MYCBPAP: variants seen among roughly 807,000 people sequenced by gnomAD.
MYCBPAP encodes the protein MYCBP-associated protein.
A neutral mutation model predicts 106.1 loss-of-function variants in MYCBPAP; 60 were observed. The ratio of observed to expected loss-of-function variants is 0.57; its 90% CI spans 0.46 to 0.70. The LOEUF is 0.70. MYCBPAP is among the 30% of genes least tolerant of loss of function. MYCBPAP has a pLI of 0.00. For synonymous variants in MYCBPAP, 407 were observed against 440.6 expected, an observed-to-expected ratio of 0.92 and a Z score of 0.95; for missense variants, 1,064 against 1,169.3, an observed-to-expected ratio of 0.91 and a Z score of 1.31.
At position 50,508,612 on chromosome 17, in the gene MYCBPAP, G is replaced by A; in HGVS notation, c.-63G>A. 4 of 1,556,578 alleles carry A rather than the reference G, an allele frequency of 2.6e-6. No individual in the cohort carries two copies. In the South Asian group the frequency reaches 4.6e-5, roughly 18 times the overall value. ...TGGCGGCCGTTGGCTGGCGGGTGCG[G>A]CGCAGCCTCGGTGTCTCTGGGCCGG... On this transcript the variant is annotated 5_prime_UTR_variant, in exon 1 of 19. Coordinates refer to ENST00000323776, the MANE Select transcript of MYCBPAP (RefSeq NM_032133.6).
rs976034347 is a variant in MYCBPAP, at chr17:50,527,536, G to A, written c.2291+128G>A. The A allele has an allele frequency of 3.6e-5, 45 of 1,242,576 alleles. 1 individual carries two copies. Among genetic ancestry groups the A allele is most frequent in the Middle Eastern group, 2.8e-4 (1 of 3,518 alleles). The allele number at this position is 1,242,576 out of a possible 1,614,324, so 77.0% of individuals were successfully genotyped here. ...TGAGCTCAGGTTGCTAGAGCATGCC[G>A]CAAACATTCCACGTTCTGGAACCCT... On this transcript the variant is annotated intron_variant, in intron 15 of 18. Coordinates refer to ENST00000323776, the MANE Select transcript of MYCBPAP (RefSeq NM_032133.6).
chr17:50,531,395 G>T lies in MYCBPAP; in HGVS notation c.2793G>T (p.Lys931Asn). Residue 931 changes from lysine (K) to asparagine (N), a missense_variant, in exon 19 of 19, where the codon AAG becomes AAT. Physicochemically the swap from Lys to Asn is moderately conservative, Grantham distance 94. Transcript: ENST00000323776. ...MVLADELSPIKNVEEALRLCR is the reference protein window; with the variant it reads ...MVLADELSPINNVEEALRLCR ...TGGCTGATGAGCTCAGCCCCATAAA[G>T]AATGTCGAGGAGGCTTTGCGCCTCT... The T allele has an allele frequency of 6.2e-7, 1 of 1,613,556 alleles. No homozygotes were observed. The highest frequency in any genetic ancestry group is 8.5e-7 in the Non-Finnish European group (1 of 1,179,854).
At position 50,508,665 on chromosome 17, in the gene MYCBPAP, G is replaced by C. The variant is rs758750696; in HGVS notation, c.-10G>C. 1.4e-5 allele frequency: 23 copies of C among 1,601,324 alleles called. No individual in the cohort carries two copies. The highest frequency in any genetic ancestry group is 8.5e-5 in the Admixed American group (5 of 59,042). On this transcript the variant is annotated 5_prime_UTR_variant, in exon 1 of 19. Transcript: ENST00000323776. Reference sequence around the variant, plus strand: ...GTGCAGGGCAACGTTTCATGGTGCCGGGCGGCACCATGAAGTCTCTAAAGA... The same window carrying C: ...GTGCAGGGCAACGTTTCATGGTGCCCGGCGGCACCATGAAGTCTCTAAAGA...
chr17:50,521,111 A>T lies in MYCBPAP; in HGVS notation c.918A>T (p.Gly306=), dbSNP rs769436047. The T allele has an allele frequency of 6.2e-7, 1 of 1,611,292 alleles. No individual in the cohort carries two copies. ...GAGGGTCCTTGGACCTCATGCTAGG[A>T]TTACCAGCCCAGAGGGACGCTTCAT... is the stretch of plus-strand genomic sequence containing the variant. The part of the protein sequence containing the change: ...RKPHSIRVET[G]LPAQRDASYR... The change falls in exon 8 of 19, where the codon GGA becomes GGT. Residue 306 remains glycine, a splice_region_variant and synonymous_variant. Coordinates refer to ENST00000323776, the MANE Select transcript of MYCBPAP (RefSeq NM_032133.6).
At chr17:50,513,643 T>G (rs1303188655) in intron 1 of MYCBPAP, among the ~76,000 whole-genome samples, 2 of 152,236 alleles carry the variant, frequency 1.3e-5, no homozygotes, top group African/African-American at 2.4e-5. Context: ...TGACACGTGG[T>G]AATTGTGCAC....
chr17:50,528,516 T>C (rs144786578), intron 16 of MYCBPAP, among the ~76,000 whole-genome samples, 179 bp from the exon 17 acceptor site: 42 of 152,346 alleles, frequency 2.8e-4, no homozygotes, highest in African/African-American at 1.0e-3. Flanking sequence ...ATTCATGGCA[T>C]GGCAGAGCTG....
At chr17:50,526,676 G>A (rs1283347925) in intron 14 of MYCBPAP, among the ~76,000 whole-genome samples, 4 of 151,960 alleles carry the variant, frequency 2.6e-5, no homozygotes, top group Non-Finnish European at 2.9e-5. Flanking sequence ...TCTGCCTCCC[G>A]GGTTCAAGTG....
chr17:50,522,090 G>T lies in MYCBPAP; in HGVS notation c.1257+9G>T, dbSNP rs2034280053. The T allele has an allele frequency of 1.9e-6, 3 of 1,609,138 alleles. No individual in the cohort carries two copies. The African/African-American group carries it at 4.0e-5, about 21-fold the overall frequency. On this transcript the variant is annotated intron_variant, in intron 10 of 18. Coordinates refer to ENST00000323776, the MANE Select transcript of MYCBPAP (RefSeq NM_032133.6). ...GTAATCCACAGGACAAGGTAAAACA[G>T]CCTCCACCACACCTGCTGGGAGAGC... is the stretch of plus-strand genomic sequence containing the variant.
intron 6 of MYCBPAP, chr17:50,519,395 T>A (rs182367419): frequency 5.2e-6 from 3 of 577,248 alleles, no homozygotes; most frequent in African/African-American, 3.7e-5. Context: ...GTCCCCCACC[T>A]TTTTTTCTGG....
At chr17:50,528,413 T>C in intron 16 of MYCBPAP, 143 bp downstream of exon 16, 1 of 817,326 alleles carries the variant, frequency 1.2e-6, no homozygotes, top group African/African-American at 1.7e-5. Context: ...CTTACCCCTT[T>C]CTGTCCGCTG....
chr17:50,530,979 C>T (rs3760404), intron 18 of MYCBPAP, among the ~76,000 whole-genome samples: 108,474 of 151,892 alleles, frequency 0.71, 39,043 homozygotes, highest in East Asian at 0.87. Flanking sequence ...GGTGAAACCC[C>T]ATCTCTACAA....
intron 1 of MYCBPAP, chr17:50,510,495 GTGTGTATATATA>G (rs1191900057): frequency 2.1e-5 from 2 of 93,052 alleles, no homozygotes; most frequent in East Asian, 2.5e-4. Context: ...GTGTGTGTGT[GTGTGTATATATA>G]TATATATATA....
intron 13 of MYCBPAP, 154 bp downstream of exon 13, chr17:50,525,177 A>C: frequency 5.5e-4 from 462 of 843,686 alleles, no homozygotes; most frequent in Non-Finnish European, 7.3e-4. Context: ...TTAGATTCTC[A>C]TAGGAGCACG....
intron 9 of MYCBPAP, 123 bp from the exon 10 acceptor site, chr17:50,521,850 C>A: frequency 1.3e-6 from 1 of 795,838 alleles, no homozygotes; most frequent in South Asian, 1.6e-5. Context: ...TGGAGTTGAT[C>A]ATACTCCATT....
At position 50,524,955 on chromosome 17, in the gene MYCBPAP, G is replaced by T. The variant is rs762163197; in HGVS notation, c.1714G>T (p.Glu572Ter). The T allele has an allele frequency of 6.2e-7, 1 of 1,614,020 alleles. No homozygotes were observed. The highest frequency in any genetic ancestry group is 8.5e-7 in the Non-Finnish European group (1 of 1,180,018). ...GCTGCTGATGGGGGTCTTGACCCCG[G>T]AGCGCACACCATCACCTGTGGATGC... ...QELLMGVLTP[E>*]RTPSPVDAYL... Residue 572 changes from glutamate (E) to a stop codon, truncating the protein, a stop_gained, in exon 13 of 19, where the codon GAG becomes TAG. Transcript: ENST00000323776. LOFTEE classifies it high-confidence loss of function.
intron 1 of MYCBPAP, chr17:50,510,499 G>GTGTGTGTATATATA (rs1418345705): frequency 2.9e-4 from 22 of 76,422 alleles, no homozygotes; most frequent in African/African-American, 9.2e-4. Context: ...GTGTGTGTGT[G>GTGTGTGTATATATA]TATATATATA....
rs1280142182 is a variant in MYCBPAP at position 50,514,763 on chromosome 17, A to G, written c.77-1807A>G. The G allele has an allele frequency of 1.2e-5, 3 of 241,706 alleles. No individual in the cohort carries two copies. In the Admixed American group the frequency reaches 1.5e-4, roughly 12 times the overall value. 15.0% of individuals were successfully genotyped at this position (241,706 alleles called of 1,614,324 possible). A position where few individuals can be genotyped will look rare whatever the true frequency, so the allele number is the denominator to read the frequency against. On this transcript the variant is annotated intron_variant, in intron 1 of 18. Coordinates refer to ENST00000323776, the MANE Select transcript of MYCBPAP (RefSeq NM_032133.6). The stretch of plus-strand genomic sequence containing the variant: ...AGCCTTCACTTCCTGGGCTCAGGTT[A>G]TCCTTCCCCTCAGCCTCCCAAGTGG...
chr17:50,514,439 T>C (rs186971864), intron 1 of MYCBPAP, among the ~76,000 whole-genome samples: 1 of 152,286 alleles, frequency 6.6e-6, no homozygotes, highest in East Asian at 1.9e-4. Context: ...GGGCCTTATA[T>C]CAAACCATTC....
At chr17:50,525,050 C>G in intron 13 of MYCBPAP, 27 bp downstream of exon 13, 1 of 1,601,450 alleles carries the variant, frequency 6.2e-7, no homozygotes, top group Non-Finnish European at 8.5e-7. Flanking sequence ...GCCCCTGCCC[C>G]CTCATGTGTG....
Sources: gnomAD v4.1 joint callset for allele counts (sites outside exome capture counted in the v4.1 genomes callset) on GRCh38, gnomAD v4.1.1 for gene constraint, MANE v1.5 for transcripts, NCBI Gene and HGNC (gene_info 2026-07-23, HGNC 2026-07-21) for gene names.